The following GPRIN3 variants were observed in gnomAD, a reference collection of about 807,000 sequenced individuals.
GPRIN3 encodes the protein GPRIN family member 3.
Under a neutral mutation model 13.7 loss-of-function variants are expected in GPRIN3, and 12 were observed. The ratio of observed to expected loss-of-function variants is 0.87; its 90% CI spans 0.56 to 1.42. The LOEUF is 1.42. Among genes scored for constraint, GPRIN3 ranks in the 40% most tolerant of loss-of-function variants. The pLI is 0.00. For missense variants in GPRIN3, 1,009 were observed against 958.7 expected, an observed-to-expected ratio of 1.05 and a Z score of -0.69; for synonymous variants, 377 against 372.7, an observed-to-expected ratio of 1.01 and a Z score of -0.13.
chr4:89,285,804 G>A (rs1263458401), intron 1 of GPRIN3, among the ~76,000 whole-genome samples: 1 of 152,104 alleles, frequency 6.6e-6, no homozygotes, highest in African/African-American at 2.4e-5. Context: ...TTATGAACTG[G>A]TGTTTGGGAG....
At chr4:89,270,600 T>TATATATATATATATATAA (rs1328112008) in intron 1 of GPRIN3, among the ~76,000 whole-genome samples, 2 of 120,590 alleles carry the variant, frequency 1.7e-5, no homozygotes, top group East Asian at 2.4e-4. Flanking sequence ...TATATATATA[T>TATATATATATATATATAA]AAAATATAGA....
intron 1 of GPRIN3, among the ~76,000 whole-genome samples, chr4:89,274,210 C>A (rs975851257): frequency 3.3e-5 from 5 of 152,190 alleles, no homozygotes; most frequent in Non-Finnish European, 7.3e-5. Context: ...GACAAAATAA[C>A]CCCGAAGTGC....
chr4:89,270,562 A>ATTTATATATATATAT (rs1723906783), intron 1 of GPRIN3, among the ~76,000 whole-genome samples: 3 of 68,162 alleles, frequency 4.4e-5, no homozygotes, highest in African/African-American at 2.3e-4. Context: ...ATATGTATAT[A>ATTTATATATATATAT]ATTTATATAT....
intron 1 of GPRIN3, among the ~76,000 whole-genome samples, chr4:89,276,105 C>A (rs1724085631): frequency 6.6e-6 from 1 of 152,122 alleles, no homozygotes; most frequent in African/African-American, 2.4e-5. Flanking sequence ...CCATCTTGTC[C>A]CTTGCCACAC....
At chr4:89,292,868 A>C (rs1477532917) in intron 1 of GPRIN3, among the ~76,000 whole-genome samples, 1 of 152,198 alleles carries the variant, frequency 6.6e-6, no homozygotes, top group Non-Finnish European at 1.5e-5. Context: ...AAATCTAAAA[A>C]TAGAGATTAG....
At position 89,249,707 on chromosome 4, in the gene GPRIN3, CAGGTGT is replaced by C. The variant is rs766524206; in HGVS notation, c.398_403del (p.His133_Cys135delinsArg). ...GGGCTGATCACCTGGGATGGACTGG[CAGGTGT>C]GCTGATTGGCGGGCATTGTCAATGG... On this transcript the variant is annotated inframe_deletion, in exon 2 of 2. Transcript: ENST00000609438. 1 of 1,614,152 alleles carries C rather than the reference CAGGTGT, an allele frequency of 6.2e-7. No homozygotes were observed. The highest frequency in any genetic ancestry group is 8.5e-7 in the Non-Finnish European group (1 of 1,180,022).
At chr4:89,264,160 T>C (rs1010265394) in intron 1 of GPRIN3, among the ~76,000 whole-genome samples, 1 of 152,124 alleles carries the variant, frequency 6.6e-6, no homozygotes, top group Non-Finnish European at 1.5e-5. Flanking sequence ...TAGTGAGATG[T>C]GTTTAGGTCA....
At position 89,259,971 on chromosome 4, in the gene GPRIN3, A is replaced by AT. The variant is rs566320792; in HGVS notation, c.-123-9739dup. On this transcript the variant is annotated intron_variant, in intron 1 of 1. Transcript: ENST00000609438. ...AGATGTGTGCCACCACACCTGGCTA[A>AT]TTTTTTTGTATTTTTAACAGAGAAG... Among the ~76,000 whole-genome samples the AT allele has an allele frequency of 2.5e-3, 378 of 152,062 alleles. 2 individuals carry two copies. The highest frequency in any genetic ancestry group is 8.1e-3 in the African/African-American group (337 of 41,512).
chr4:89,282,856 G>A (rs544658998), intron 1 of GPRIN3, among the ~76,000 whole-genome samples: 123 of 152,174 alleles, frequency 8.1e-4, no homozygotes, highest in Middle Eastern at 6.8e-3. Context: ...AGTCTACATC[G>A]AAGACCTCAC....
At chr4:89,298,959 T>A (rs1022742170) in intron 1 of GPRIN3, among the ~76,000 whole-genome samples, 14 of 152,134 alleles carry the variant, frequency 9.2e-5, no homozygotes, top group African/African-American at 1.9e-4. Context: ...GAGGATTTTT[T>A]AAAAACCTAT....
rs1319102944 is a variant in GPRIN3 at position 89,239,852 on chromosome 4, G to C, written c.*7928C>G. ...AGTTTTTGTATTTTTAGTAGAGACG[G>C]GGTTTTGCCATGTTGGCCAGGCTGG... On this transcript the variant is annotated 3_prime_UTR_variant, in exon 2 of 2. Transcript: ENST00000609438. 6.6e-6 allele frequency: 1 copy of C among 152,142 alleles called. No individual in the cohort carries two copies. Among genetic ancestry groups the C allele is most frequent in the Non-Finnish European group, 1.5e-5 (1 of 68,048 alleles). 9.4% of individuals were successfully genotyped at this position (152,142 alleles called of 1,614,324 possible).
intron 1 of GPRIN3, among the ~76,000 whole-genome samples, chr4:89,264,114 T>G (rs1388693229): frequency 1.3e-5 from 2 of 152,170 alleles, no homozygotes; most frequent in East Asian, 3.9e-4. Flanking sequence ...CCAAAACTCG[T>G]GTTGAAATTT....
Position 89,242,583 on chromosome 4 carries a change from G to A in GPRIN3, c.*5197C>T, listed in dbSNP as rs1293230280. 1.3e-5 allele frequency: 2 copies of A among 152,134 alleles called. No homozygotes were observed. Among genetic ancestry groups the A allele is most frequent in the Non-Finnish European group, 2.9e-5 (2 of 68,010 alleles). 9.4% of individuals were successfully genotyped at this position (152,134 alleles called of 1,614,324 possible). On this transcript the variant is annotated 3_prime_UTR_variant, in exon 2 of 2. Coordinates refer to ENST00000609438, the MANE Select transcript of GPRIN3 (RefSeq NM_198281.3). ...ACCTCTTTATGAAGCTTCTAAACAAGTTTTTCCAGGAAGAAAGCAGAAACT... is the reference window on the plus strand; with the variant it reads ...ACCTCTTTATGAAGCTTCTAAACAAATTTTTCCAGGAAGAAAGCAGAAACT...
chr4:89,297,061 T>C (rs943539356), intron 1 of GPRIN3, among the ~76,000 whole-genome samples: 5 of 152,218 alleles, frequency 3.3e-5, no homozygotes, highest in African/African-American at 1.2e-4. Context: ...CCTTTGACAT[T>C]GAACAACTGA....
chr4:89,286,571 G>T (rs1193808285), intron 1 of GPRIN3, among the ~76,000 whole-genome samples: 2 of 151,720 alleles, frequency 1.3e-5, no homozygotes, highest in African/African-American at 4.8e-5. Flanking sequence ...GTGTTTTTTA[G>T]AATGTGACTC....
At position 89,249,640 on chromosome 4, in the gene GPRIN3, T is replaced by A. The variant is rs1324636845; in HGVS notation, c.471A>T (p.Arg157Ser). Residue 157 changes from arginine (R) to serine (S), a missense_variant, in exon 2 of 2, where the codon AGA (arginine) becomes AGT (serine). Coordinates refer to ENST00000609438, the MANE Select transcript of GPRIN3 (RefSeq NM_198281.3). ...GCTCTCTATTTGAGGTTCTCTGTGATCTCATCAGGGAATCTTCAGGCATGG... is the reference window on the plus strand; with the variant it reads ...GCTCTCTATTTGAGGTTCTCTGTGAACTCATCAGGGAATCTTCAGGCATGG... ...TSSMPEDSLM[R>S]SQRTSNREQP... 7 of 1,614,186 alleles carry A rather than the reference T, an allele frequency of 4.3e-6. No homozygotes were observed. Among genetic ancestry groups the A allele is most frequent in the Non-Finnish European group, 5.9e-6 (7 of 1,180,016 alleles).
intron 1 of GPRIN3, among the ~76,000 whole-genome samples, chr4:89,299,759 G>T (rs56266320): frequency 0.19 from 28,528 of 152,056 alleles, 2,894 homozygotes; most frequent in African/African-American, 0.23. Flanking sequence ...CAACTGCCAG[G>T]CCTGCTAAAT....
At position 89,240,740 on chromosome 4, in the gene GPRIN3, A is replaced by C. The variant is rs1722900732; in HGVS notation, c.*7040T>G. The C allele has an allele frequency of 6.6e-6, 1 of 152,190 alleles. No individual in the cohort carries two copies. Among genetic ancestry groups the C allele is most frequent in the African/African-American group, 2.4e-5 (1 of 41,450 alleles). 9.4% of individuals were successfully genotyped at this position (152,190 alleles called of 1,614,324 possible). On this transcript the variant is annotated 3_prime_UTR_variant, in exon 2 of 2. Coordinates refer to ENST00000609438, the MANE Select transcript of GPRIN3 (RefSeq NM_198281.3). ...GGGGGGCATCTCATTCAATAATAAT[A>C]TTTGTAAAACAGAGCAGTCATGGAA...
At chr4:89,253,397 G>A (rs1038369295) in intron 1 of GPRIN3, among the ~76,000 whole-genome samples, 4 of 152,172 alleles carry the variant, frequency 2.6e-5, no homozygotes, top group African/African-American at 9.7e-5. Context: ...AACTTTATGT[G>A]TCTGTAACCC....
Sources: allele counts gnomAD v4.1 joint callset (sites outside exome capture counted in the v4.1 genomes callset), GRCh38; gene constraint gnomAD v4.1.1; transcripts MANE v1.5; gene names NCBI Gene and HGNC (gene_info 2026-07-23, HGNC 2026-07-21).